MGLL: variants seen among roughly 807,000 people sequenced by gnomAD.
MGLL encodes the protein monoglyceride lipase, also known as lysophospholipase homolog.
MGLL carries 7 observed loss-of-function variants against 29.1 expected under a neutral mutation model. The observed-to-expected ratio is 0.24, with a 90% CI of 0.14 to 0.45. The LOEUF (loss-of-function observed/expected upper bound fraction) is 0.45. Among genes scored for constraint, MGLL ranks in the 20% least tolerant of loss-of-function variants. The pLI, the probability that MGLL is intolerant of heterozygous loss-of-function variation, is 0.99. For missense variants in MGLL, 356 were observed against 413.6 expected, an observed-to-expected ratio of 0.86 and a Z score of 1.21; for synonymous variants, 148 against 168.3, an observed-to-expected ratio of 0.88 and a Z score of 0.93.
rs763160090 is a variant in MGLL at position 127,692,260 on chromosome 3, G to T, written c.880C>A (p.His294Asn). Reference protein sequence around the residue: ...ELPEVTNSVFHEINMWVSQRT... With the variant: ...ELPEVTNSVFNEINMWVSQRT... ...TGAGAGACCCACATGTTTATTTCAT[G>T]GAAGACGGAGTTGGTGACTTCAGGA... The change falls in exon 8 of 8, where the codon CAT becomes AAT. Residue 294 changes from histidine (H) to asparagine (N), a missense_variant. Coordinates refer to ENST00000265052, the MANE Select transcript of MGLL (RefSeq NM_007283.7). The T allele has an allele frequency of 1.2e-6, 2 of 1,613,918 alleles. No homozygotes were observed. The highest frequency in any genetic ancestry group is 2.7e-5 in the African/African-American group (2 of 74,912).
At chr3:127,741,635 GCTCAGTCAACATCCCCTTGT>G (rs1559937411) in intron 3 of MGLL, among the ~76,000 whole-genome samples, 1 of 152,206 alleles carries the variant, frequency 6.6e-6, no homozygotes, top group African/African-American at 2.4e-5. Context: ...TTGCCTCCTT[GCTCAGTCAACATCCCCTTGT>G]CTCATGGTTC....
chr3:127,700,943 G>A (rs773577967), intron 6 of MGLL, among the ~76,000 whole-genome samples: 3 of 152,110 alleles, frequency 2.0e-5, no homozygotes, highest in East Asian at 1.9e-4. Context: ...GCCTGGGCAC[G>A]GTGGTGCATG....
At chr3:127,698,147 C>T (rs183089315) in intron 6 of MGLL, among the ~76,000 whole-genome samples, 2 of 152,278 alleles carry the variant, frequency 1.3e-5, no homozygotes, top group African/African-American at 2.4e-5. Context: ...GGCCTGGGGC[C>T]CAGCCACCAG....
chr3:127,703,822 A>C (rs1052900814), intron 6 of MGLL, among the ~76,000 whole-genome samples: 5 of 152,252 alleles, frequency 3.3e-5, no homozygotes, highest in African/African-American at 1.2e-4. Flanking sequence ...TAATATCCAC[A>C]TAAGGGGTTA....
intron 3 of MGLL, among the ~76,000 whole-genome samples, chr3:127,776,540 C>T (rs1195307485): frequency 6.6e-6 from 1 of 152,214 alleles, no homozygotes; most frequent in Non-Finnish European, 1.5e-5. Context: ...TCTGGCCCTC[C>T]AGGCATTGAG....
At chr3:127,706,654 T>A (rs765425129) in intron 6 of MGLL, among the ~76,000 whole-genome samples, 2 of 152,158 alleles carry the variant, frequency 1.3e-5, no homozygotes, top group East Asian at 3.9e-4. Context: ...CATTGGGAAA[T>A]TTTTAGCTGC....
At chr3:127,788,782 G>A (rs1334110809) in intron 2 of MGLL, among the ~76,000 whole-genome samples, 1 of 152,216 alleles carries the variant, frequency 6.6e-6, no homozygotes, top group Non-Finnish European at 1.5e-5. Context: ...TGTAGGCCCT[G>A]TGTTCTTTGA....
intron 3 of MGLL, among the ~76,000 whole-genome samples, chr3:127,760,023 G>T (rs1024189914): frequency 6.6e-6 from 1 of 152,194 alleles, no homozygotes; most frequent in Non-Finnish European, 1.5e-5. Flanking sequence ...TAGACGGCTT[G>T]GTTTTCTGCG....
At chr3:127,721,721 G>A (rs973324104) in intron 4 of MGLL, among the ~76,000 whole-genome samples, 13 of 152,114 alleles carry the variant, frequency 8.5e-5, no homozygotes, top group South Asian at 2.1e-4. Flanking sequence ...AAATGCTCAC[G>A]GGGCTGGGCA....
chr3:127,793,838 A>T (rs1402414341), intron 2 of MGLL, among the ~76,000 whole-genome samples: 1 of 152,212 alleles, frequency 6.6e-6, no homozygotes, highest in Non-Finnish European at 1.5e-5. Flanking sequence ...CTGGGATTAC[A>T]GGCGTGAGCC....
At chr3:127,758,227 A>G (rs992263006) in intron 3 of MGLL, among the ~76,000 whole-genome samples, 13 of 152,112 alleles carry the variant, frequency 8.5e-5, no homozygotes, top group African/African-American at 2.9e-4. Flanking sequence ...CAGCTTGAGC[A>G]TGGCCCCCTG....
intron 3 of MGLL, among the ~76,000 whole-genome samples, chr3:127,748,408 AAGAG>A (rs748224127): frequency 2.2e-4 from 31 of 137,800 alleles, no homozygotes; most frequent in East Asian, 6.3e-4. Context: ...GAGAGAGAGA[AAGAG>A]AGAGAGAGAG....
intron 2 of MGLL, among the ~76,000 whole-genome samples, chr3:127,784,815 T>A (rs1016482909): frequency 6.6e-6 from 1 of 152,166 alleles, no homozygotes; most frequent in African/African-American, 2.4e-5. Context: ...CATTTACATG[T>A]TCCCAGGACC....
intron 3 of MGLL, among the ~76,000 whole-genome samples, chr3:127,742,208 G>T (rs777160135): frequency 6.6e-6 from 1 of 152,156 alleles, no homozygotes; most frequent in Non-Finnish European, 1.5e-5. Context: ...CAGCACGGGA[G>T]TTACCATTTG....
intron 2 of MGLL, among the ~76,000 whole-genome samples, chr3:127,787,742 C>T (rs745453163): frequency 1.3e-5 from 2 of 152,240 alleles, no homozygotes; most frequent in Non-Finnish European, 2.9e-5. Context: ...CTTGCTTATT[C>T]CAGAGCATCC....
intron 2 of MGLL, among the ~76,000 whole-genome samples, chr3:127,792,800 G>C (rs1187601841): frequency 6.6e-6 from 1 of 152,332 alleles, no homozygotes; most frequent in East Asian, 1.9e-4. Flanking sequence ...TCTCCTGCGT[G>C]TGCATGTTAG....
chr3:127,718,294 A>T (rs1343619622), intron 5 of MGLL, among the ~76,000 whole-genome samples: 1 of 152,156 alleles, frequency 6.6e-6, no homozygotes, highest in East Asian at 1.9e-4. Flanking sequence ...GATGGATTGA[A>T]CACTGTCTGA....
At chr3:127,792,368 C>A (rs1016292764) in intron 2 of MGLL, among the ~76,000 whole-genome samples, 1 of 152,174 alleles carries the variant, frequency 6.6e-6, no homozygotes, top group African/African-American at 2.4e-5. Flanking sequence ...TTGAGAAAGT[C>A]ACTCACAGCC....
chr3:127,743,587 A>AAT (rs2076385711), intron 3 of MGLL, among the ~76,000 whole-genome samples: 1 of 150,392 alleles, frequency 6.6e-6, no homozygotes, highest in Admixed American at 6.6e-5. Flanking sequence ...AAAAAAAAAA[A>AAT]AAAAAAAAAA....
Sources: gnomAD v4.1 joint callset for allele counts (sites outside exome capture counted in the v4.1 genomes callset) on GRCh38, gnomAD v4.1.1 for gene constraint, MANE v1.5 for transcripts, NCBI Gene and HGNC (gene_info 2026-07-23, HGNC 2026-07-21) for gene names.